PTGER3: variants seen among roughly 807,000 people sequenced by gnomAD.
The protein encoded by PTGER3 is prostaglandin E receptor 3.
In PTGER3, 22 loss-of-function variants were observed where a neutral mutation model predicts 34.7. The ratio of observed to expected loss-of-function variants is 0.63; its 90% CI spans 0.45 to 0.91. The LOEUF (loss-of-function observed/expected upper bound fraction) is 0.91. Among genes scored for constraint, PTGER3 ranks in the 40% least tolerant of loss-of-function variants. PTGER3 has a pLI of 0.00. For synonymous variants in PTGER3, 241 were observed against 230.1 expected (o/e 1.05, Z -0.43); for missense variants, 468 against 519.4 (o/e 0.90, Z 0.96).
intron 4 of PTGER3, among the ~76,000 whole-genome samples, chr1:70,934,748 T>C (rs929433542): frequency 6.6e-6 from 1 of 152,170 alleles, no homozygotes; most frequent in African/African-American, 2.4e-5. Context: ...TTACATAAGA[T>C]GATTTATCAT....
chr1:71,026,985 A>T (rs1406259661), intron 1 of PTGER3, among the ~76,000 whole-genome samples: 1 of 152,134 alleles, frequency 6.6e-6, no homozygotes. Context: ...AGATAAACAG[A>T]TCCCAACACC....
chr1:70,994,077 G>A (rs1041500578), intron 2 of PTGER3, among the ~76,000 whole-genome samples: 1 of 152,180 alleles, frequency 6.6e-6, no homozygotes, highest in African/African-American at 2.4e-5. Context: ...TTTGCCAGTT[G>A]CTCTGTTCCT....
In PTGER3 at chr1:70,914,141, T is replaced by C. The variant is rs1459754963; in HGVS notation, c.*23+39622A>G. 2.6e-5 allele frequency among the ~76,000 whole-genome samples: 4 copies of C among 151,764 alleles called. No individual in the cohort carries two copies. The East Asian group carries it at 7.7e-4, about 29-fold the overall frequency. On this transcript the variant is annotated intron_variant, in intron 4 of 4. Coordinates refer to the PTGER3 transcript ENST00000370931. ...ACATAATATCTGTATTCTAATATTATGTGTGTGTGAGGGAAATGGATGAAT... is the reference window on the plus strand; with the variant it reads ...ACATAATATCTGTATTCTAATATTACGTGTGTGTGAGGGAAATGGATGAAT...
Position 71,047,284 on chromosome 1 carries a change from G to T in PTGER3, c.294C>A (p.Thr98=), listed in dbSNP as rs772939330. 3 of 1,598,336 alleles carry T rather than the reference G, an allele frequency of 1.9e-6. No individual in the cohort carries two copies. In the South Asian group the frequency reaches 3.4e-5, roughly 18 times the overall value. Residue 98 remains threonine, a synonymous_variant, in exon 1 of 4, where the codon ACC becomes ACA. Coordinates refer to ENST00000306666, the MANE Select transcript of PTGER3 (RefSeq NM_198719.2). ...TGGTGAGAAGCTGCCCGACCAGGTC[G>T]GTGAGCGCCAGCCAGCCGATGCACA... The part of the protein sequence containing the change: ...FLLCIGWLAL[T]DLVGQLLTTP...
In PTGER3 at chr1:71,047,423, A is replaced by G. The variant is rs1660949925; in HGVS notation, c.155T>C (p.Val52Ala). 1 of 1,611,698 alleles carries G rather than the reference A, an allele frequency of 6.2e-7. No individual in the cohort carries two copies. Among genetic ancestry groups the G allele is most frequent in the Non-Finnish European group, 8.5e-7 (1 of 1,179,700 alleles). ...GAGCAGCATGGTGATCGGGAAGGCC[A>G]CGGACACCGATCCGCAATCCTCGCC... is the stretch of plus-strand genomic sequence containing the variant. ...GSGEDCGSVS[V>A]AFPITMLLTG... Residue 52 changes from valine (V) to alanine (A), a missense_variant, in exon 1 of 4, where the codon GTG becomes GCG. Coordinates refer to ENST00000306666, the MANE Select transcript of PTGER3 (RefSeq NM_198719.2).
chr1:70,991,886 T>C (rs966331562), intron 2 of PTGER3, among the ~76,000 whole-genome samples: 4 of 152,168 alleles, frequency 2.6e-5, no homozygotes, highest in African/African-American at 9.7e-5. Flanking sequence ...CTCAAAGAAA[T>C]GAAAATTCTT....
rs71586957 is a variant in PTGER3, at chr1:70,981,392, TTTCCTTCC to T, written c.1078-7012_1078-7005del. Among the ~76,000 whole-genome samples, 129 of 40,448 alleles carry T rather than the reference TTTCCTTCC, an allele frequency of 3.2e-3. 3 individuals are homozygous for T. Among genetic ancestry groups the T allele is most frequent in the East Asian group, 0.018 (26 of 1,450 alleles). 26.5% of individuals were successfully genotyped at this position (40,448 alleles called of 152,430 possible). A position where few individuals can be genotyped will look rare whatever the true frequency, so the allele number is the denominator to read the frequency against. On this transcript the variant is annotated intron_variant, in intron 2 of 3. Coordinates refer to ENST00000306666, the MANE Select transcript of PTGER3 (RefSeq NM_198719.2). ...CTTTCTTTCTTTCTTTCTTTCTTTC[TTTCCTTCC>T]TTCCTTCCTTCCTTCCTTCTTTCTT... is the stretch of plus-strand genomic sequence containing the variant.
chr1:70,930,711 C>T (rs900288371), intron 4 of PTGER3, among the ~76,000 whole-genome samples: 1 of 152,124 alleles, frequency 6.6e-6, no homozygotes, highest in African/African-American at 2.4e-5. Flanking sequence ...GATACTTATT[C>T]ACTACCATGA....
chr1:70,978,758 T>C (rs1006872219), intron 2 of PTGER3, among the ~76,000 whole-genome samples: 4 of 152,154 alleles, frequency 2.6e-5, no homozygotes, highest in African/African-American at 9.7e-5. Flanking sequence ...AAGTTCTTCT[T>C]AGGCACCATG....
At chr1:70,917,403 T>TTGTGAG (rs1647200437) in intron 4 of PTGER3, among the ~76,000 whole-genome samples, 1 of 136,278 alleles carries the variant, frequency 7.3e-6, no homozygotes, top group Non-Finnish European at 1.6e-5. Flanking sequence ...GTATTTTATT[T>TTGTGAG]TGTGTGTGTG....
chr1:70,981,718 GT>G (rs1394145624), intron 2 of PTGER3, among the ~76,000 whole-genome samples: 1 of 151,936 alleles, frequency 6.6e-6, no homozygotes, highest in Non-Finnish European at 1.5e-5. Context: ...CCATAATGCT[GT>G]TTCTATTACA....
chr1:71,043,311 TA>T (rs1660471945), intron 1 of PTGER3, among the ~76,000 whole-genome samples: 2 of 152,236 alleles, frequency 1.3e-5, no homozygotes, highest in African/African-American at 4.8e-5. Context: ...TTTCCCACTG[TA>T]CTCTCTTAAT....
intron 4 of PTGER3, among the ~76,000 whole-genome samples, chr1:70,938,288 A>C (rs560583499): frequency 6.6e-5 from 10 of 152,328 alleles, no homozygotes; most frequent in African/African-American, 2.2e-4. Flanking sequence ...TAGACAGGGA[A>C]AGTCAAATCA....
intron 2 of PTGER3, among the ~76,000 whole-genome samples, chr1:70,990,452 T>C (rs201067289): frequency 7.0e-6 from 1 of 143,674 alleles, no homozygotes; most frequent in African/African-American, 2.6e-5. Flanking sequence ...AATATATATA[T>C]ACATATATTA....
Position 71,046,003 on chromosome 1 carries a change from A to C in PTGER3, c.897+678T>G, listed in dbSNP as rs1660749045. Among the ~76,000 whole-genome samples, 3 of 149,850 alleles carry C rather than the reference A, an allele frequency of 2.0e-5. No individual in the cohort carries two copies. The East Asian group carries it at 5.9e-4, about 29-fold the overall frequency. On this transcript the variant is annotated intron_variant, in intron 1 of 3. Transcript: ENST00000306666. ...GAAAGAGGAATTTGAAATTAAAAAAAAAAAACCCGGCCGGGCGCGGTGGCT... is the reference window on the plus strand; with the variant it reads ...GAAAGAGGAATTTGAAATTAAAAAACAAAAACCCGGCCGGGCGCGGTGGCT...
chr1:70,895,771 G>C (rs1345222567), intron 4 of PTGER3, among the ~76,000 whole-genome samples: 1 of 152,192 alleles, frequency 6.6e-6, no homozygotes, highest in Admixed American at 6.5e-5. Flanking sequence ...ATAAGCTCTT[G>C]TTTTGATTGT....
intron 2 of PTGER3, among the ~76,000 whole-genome samples, chr1:70,962,586 C>T (rs774934252): frequency 7.2e-5 from 11 of 152,234 alleles, no homozygotes; most frequent in Middle Eastern, 3.4e-3. Flanking sequence ...TCTTACATGG[C>T]GGCAGGCCAA....
chr1:70,900,090 C>T (rs1646804285), intron 4 of PTGER3, among the ~76,000 whole-genome samples: 1 of 152,130 alleles, frequency 6.6e-6, no homozygotes, highest in African/African-American at 2.4e-5. Flanking sequence ...AATTTTCTTC[C>T]TTATTTTCTT....
At chr1:70,875,052 T>C (rs1646245957) in intron 4 of PTGER3, among the ~76,000 whole-genome samples, 2 of 152,216 alleles carry the variant, frequency 1.3e-5, no homozygotes, top group South Asian at 2.1e-4. Context: ...AGGGGGAATA[T>C]TCAGCTTCTC....
Sources: gnomAD v4.1 joint callset for allele counts (sites outside exome capture counted in the v4.1 genomes callset) on GRCh38, gnomAD v4.1.1 for gene constraint, MANE v1.5 for transcripts, NCBI Gene and HGNC (gene_info 2026-07-23, HGNC 2026-07-21) for gene names.